Variants in CSGALNACT1 observed in about 807,000 individuals in gnomAD.
CSGALNACT1 encodes beta4GalNAcT-1.
In CSGALNACT1, 52 loss-of-function variants were observed where a neutral mutation model predicts 51.0. That is an observed-to-expected ratio of 1.02 (90% CI 0.82 to 1.29). The LOEUF is 1.29. Ranked by LOEUF, CSGALNACT1 falls within the 50% of genes most tolerant of loss-of-function variation. The pLI is 0.00. For synonymous variants in CSGALNACT1, 341 were observed against 254.4 expected (o/e 1.34, Z -3.24); for missense variants, 935 against 679.2 (o/e 1.38, Z -4.19).
chr8:19,461,173 C>T (rs569089943), intron 4 of CSGALNACT1, among the ~76,000 whole-genome samples: 13 of 152,194 alleles, frequency 8.5e-5, no homozygotes, highest in Non-Finnish European at 1.5e-5. Context: ...TTCAAAGTCC[C>T]AGAGGGAAAA....
exon 1 of CSGALNACT1, chr8:19,682,560 C>T: frequency 2.2e-6 from 1 of 448,760 alleles, no homozygotes; most frequent in Non-Finnish European, 4.5e-6. Flanking sequence ...CAGTACTCTA[C>T]TCCCAGGGTT....
chr8:19,727,516 A>C (rs903211066), intron 1 of CSGALNACT1, among the ~76,000 whole-genome samples: 2 of 57,864 alleles, frequency 3.5e-5, no homozygotes, highest in African/African-American at 6.4e-5. Flanking sequence ...CAGCTGGCTA[A>C]ATTTTTGTAT....
At chr8:19,566,064 T>G (rs2041846163) in intron 3 of CSGALNACT1, among the ~76,000 whole-genome samples, 1 of 152,256 alleles carries the variant, frequency 6.6e-6, no homozygotes, top group African/African-American at 2.4e-5. Context: ...ATCTGTCTCC[T>G]AATCCATAAA....
chr8:19,410,672 A>C (rs954272825), intron 8 of CSGALNACT1, among the ~76,000 whole-genome samples: 1 of 152,240 alleles, frequency 6.6e-6, no homozygotes, highest in African/African-American at 2.4e-5. Flanking sequence ...GGGGACCCTC[A>C]CATGGGAACA....
chr8:19,530,248 AAAAC>A (rs1563920294), intron 3 of CSGALNACT1, among the ~76,000 whole-genome samples: 10 of 151,428 alleles, frequency 6.6e-5, no homozygotes, highest in African/African-American at 2.4e-4. Flanking sequence ...AAAACAAAAC[AAAAC>A]AAAAAAAATT....
At chr8:19,725,528 G>A (rs1017143676) in intron 1 of CSGALNACT1, among the ~76,000 whole-genome samples, 1 of 150,466 alleles carries the variant, frequency 6.6e-6, no homozygotes, top group Non-Finnish European at 1.5e-5. Context: ...GGTTTCAAGC[G>A]ATTCTCCTGC....
intron 6 of CSGALNACT1, among the ~76,000 whole-genome samples, chr8:19,422,145 T>TA (rs113935110): frequency 2.6e-3 from 393 of 152,274 alleles, no homozygotes; most frequent in African/African-American, 8.9e-3. Flanking sequence ...TTTCTTTGGT[T>TA]AAAAAAACTT....
chr8:19,693,977 A>G lies in CSGALNACT1; in HGVS notation c.-297+63873T>C, dbSNP rs538758173. ...TTTTTTTTCTTTCCATGTCTGGTTT[A>G]TTTCACTTACCATAATGCCATCCAG... On this transcript the variant is annotated intron_variant, in intron 1 of 1. Coordinates refer to the CSGALNACT1 transcript ENST00000517494. Among the ~76,000 whole-genome samples, 68 of 151,884 alleles carry G rather than the reference A, an allele frequency of 4.5e-4. 1 individual carries two copies. The highest frequency in any genetic ancestry group is 1.6e-3 in the African/African-American group (66 of 41,420).
At chr8:19,547,261 A>G (rs2086691078) in intron 3 of CSGALNACT1, among the ~76,000 whole-genome samples, 1 of 152,190 alleles carries the variant, frequency 6.6e-6, no homozygotes, top group Non-Finnish European at 1.5e-5. Context: ...AGTGACAAGT[A>G]AAAGCTCTAA....
chr8:19,707,098 T>C (rs1009856241), intron 1 of CSGALNACT1, among the ~76,000 whole-genome samples: 1 of 152,036 alleles, frequency 6.6e-6, no homozygotes, highest in Non-Finnish European at 1.5e-5. Context: ...CTTTCTGATC[T>C]ATTCACCAAG....
At position 19,725,761 on chromosome 8, in the gene CSGALNACT1, A is replaced by G. The variant is rs572472396; in HGVS notation, c.-297+32089T>C. On this transcript the variant is annotated intron_variant, in intron 1 of 1. Transcript: ENST00000517494. ...GACTTCACTTTTTTAGAGCAGTTTT[A>G]GGTTCACAGCAAAATTGAAAGGAAG... Among the ~76,000 whole-genome samples, 10 of 152,236 alleles carry G rather than the reference A, an allele frequency of 6.6e-5. No homozygotes were observed. The South Asian group carries it at 1.5e-3, about 22-fold the overall frequency.
intron 4 of CSGALNACT1, among the ~76,000 whole-genome samples, chr8:19,489,997 C>T (rs1197223443): frequency 6.6e-6 from 1 of 152,166 alleles, no homozygotes; most frequent in Non-Finnish European, 1.5e-5. Context: ...GACCAATTGC[C>T]TTCATAGACT....
At chr8:19,493,812 A>C (rs962794286) in intron 4 of CSGALNACT1, among the ~76,000 whole-genome samples, 1 of 151,806 alleles carries the variant, frequency 6.6e-6, no homozygotes. Flanking sequence ...TTCACATAGG[A>C]GTTTTTAAGT....
chr8:19,634,922 A>G (rs534244632), intron 1 of CSGALNACT1, among the ~76,000 whole-genome samples: 1 of 152,292 alleles, frequency 6.6e-6, no homozygotes, highest in African/African-American at 2.4e-5. Flanking sequence ...ATGTAATATA[A>G]TGATGATAAC....
At chr8:19,680,848 C>T (rs2060564141) in intron 1 of CSGALNACT1, among the ~76,000 whole-genome samples, 1 of 152,096 alleles carries the variant, frequency 6.6e-6, no homozygotes, top group African/African-American at 2.4e-5. Context: ...AGAACCATTA[C>T]TGAATATCAA....
At chr8:19,444,205 A>G (rs1203712730) in intron 5 of CSGALNACT1, among the ~76,000 whole-genome samples, 1 of 152,184 alleles carries the variant, frequency 6.6e-6, no homozygotes, top group Non-Finnish European at 1.5e-5. Flanking sequence ...ACCTACATAC[A>G]TCCTCTTGTA....
intron 1 of CSGALNACT1, among the ~76,000 whole-genome samples, chr8:19,666,809 A>AAGAAAGAAAGAAAGAGAGAGAGAGAGAG: frequency 4.0e-5 from 1 of 25,064 alleles, no homozygotes; most frequent in Non-Finnish European, 6.8e-5. Flanking sequence ...GAAAGAAAGA[A>AAGAAAGAAAGAAAGAGAGAGAGAGAGAG]AGAGAGAGAG....
Position 19,553,626 on chromosome 8 carries a change from T to TACATATGTC in CSGALNACT1, c.-297+37533_-297+37534insGACATATGT, listed in dbSNP as rs1220042352. Among the ~76,000 whole-genome samples the TACATATGTC allele has an allele frequency of 3.9e-4, 55 of 139,710 alleles. 1 individual carries two copies. The highest frequency in any genetic ancestry group is 7.0e-4 in the Non-Finnish European group (46 of 65,498). The allele number at this position is 139,710 out of a possible 152,430, so 91.7% of individuals were successfully genotyped here. ...ACATTTATGTATATAAATACATATA[T>TACATATGTC]ATATATATATATAAAAAAATATGTC... is the stretch of plus-strand genomic sequence containing the variant. On this transcript the variant is annotated intron_variant, in intron 3 of 9. Coordinates refer to ENST00000454498, the Ensembl canonical transcript of CSGALNACT1.
chr8:19,624,919 C>T (rs889257275), intron 1 of CSGALNACT1, among the ~76,000 whole-genome samples: 10 of 152,176 alleles, frequency 6.6e-5, no homozygotes, highest in South Asian at 2.1e-4. Context: ...CCTCGTGACC[C>T]GCCCACCTCG....
Sources: allele counts gnomAD v4.1 joint callset (sites outside exome capture counted in the v4.1 genomes callset), GRCh38; gene constraint gnomAD v4.1.1; transcripts MANE v1.5; gene names NCBI Gene and HGNC (gene_info 2026-07-23, HGNC 2026-07-21).